Variants in ABCA13 observed in about 807,000 individuals in gnomAD.
ABCA13 encodes ATP-binding cassette sub-family A member 13.
A neutral mutation model predicts 478.7 loss-of-function variants in ABCA13; 476 were observed. The ratio of observed to expected loss-of-function variants is 0.99; its 90% CI spans 0.92 to 1.07. The LOEUF (loss-of-function observed/expected upper bound fraction) is 1.07. Among genes scored for constraint, ABCA13 ranks in the 50% least tolerant of loss-of-function variants. The pLI, the probability that ABCA13 is intolerant of heterozygous loss-of-function variation, is 0.00. For missense variants in ABCA13, 6,060 were observed against 5,910.6 expected (o/e 1.03, Z -0.83); for synonymous variants, 2,252 against 2,158.9 (o/e 1.04, Z -1.20).
At chr7:48,372,610 A>G (rs866960392) in intron 33 of ABCA13, 113 bp downstream of exon 33, 18 of 867,480 alleles carry the variant, frequency 2.1e-5, no homozygotes, top group Middle Eastern at 3.5e-4. Context: ...TCATATCTAC[A>G]TGGGCTTTCT....
chr7:48,232,717 G>T (rs1224650326), intron 7 of ABCA13, among the ~76,000 whole-genome samples: 3 of 152,152 alleles, frequency 2.0e-5, no homozygotes, highest in Admixed American at 2.0e-4. Flanking sequence ...TTTTGAGAAA[G>T]ATTTTATACT....
chr7:48,421,200 TC>T (rs34693576), intron 41 of ABCA13, among the ~76,000 whole-genome samples: 56,161 of 146,416 alleles, frequency 0.38, 10,907 homozygotes, highest in African/African-American at 0.5. Flanking sequence ...CTTTTCTCTC[TC>T]TTTTTTTTTT....
At chr7:48,556,994 A>G (rs1478771348) in intron 55 of ABCA13, among the ~76,000 whole-genome samples, 2 of 152,020 alleles carry the variant, frequency 1.3e-5, no homozygotes, top group Non-Finnish European at 2.9e-5. Context: ...GAAGCTTGCA[A>G]ATACTATTGT....
intron 15 of ABCA13, among the ~76,000 whole-genome samples, chr7:48,257,958 C>T (rs1319520841): frequency 6.6e-6 from 1 of 152,160 alleles, no homozygotes; most frequent in Non-Finnish European, 1.5e-5. Flanking sequence ...GGATCTCACT[C>T]TGTTGCCCAG....
intron 10 of ABCA13, 38 bp downstream of exon 10, chr7:48,241,104 G>C: frequency 6.2e-7 from 1 of 1,607,170 alleles, no homozygotes; most frequent in African/African-American, 1.3e-5. Context: ...TGATTAGGTA[G>C]ATGACACAGA....
chr7:48,572,348 T>A (rs1377987324), intron 55 of ABCA13, among the ~76,000 whole-genome samples: 2 of 152,114 alleles, frequency 1.3e-5, no homozygotes, highest in Non-Finnish European at 2.9e-5. Context: ...AGACAGGGTC[T>A]TGCTCTGTCA....
At chr7:48,305,672 T>C (rs1014651800) in intron 23 of ABCA13, among the ~76,000 whole-genome samples, 2 of 152,192 alleles carry the variant, frequency 1.3e-5, no homozygotes, top group Non-Finnish European at 2.9e-5. Flanking sequence ...CTCCTCTGAA[T>C]GCGATTCGGG....
chr7:48,641,944 C>A (rs1391364349), intron 59 of ABCA13, among the ~76,000 whole-genome samples: 1 of 152,164 alleles, frequency 6.6e-6, no homozygotes. Context: ...AGAATATATA[C>A]CTCTTGTACC....
intron 59 of ABCA13, among the ~76,000 whole-genome samples, chr7:48,630,394 T>C (rs183838447): frequency 6.6e-6 from 1 of 152,166 alleles, no homozygotes; most frequent in Admixed American, 6.5e-5. Context: ...CTCCCACATA[T>C]AAGTGTGAAC....
At chr7:48,200,478 A>G (rs776365559) in intron 3 of ABCA13, among the ~76,000 whole-genome samples, 8 of 152,248 alleles carry the variant, frequency 5.3e-5, no homozygotes, top group African/African-American at 1.2e-4. Flanking sequence ...TTCAGGGGTT[A>G]TAAAAGCAAC....
Position 48,298,386 on chromosome 7 carries a change from A to T in ABCA13, c.9220A>T (p.Met3074Leu). ...VTEDVKIKDLMKNITKLTEEL... is the reference protein window; with the variant it reads ...VTEDVKIKDLLKNITKLTEEL... ...TGCAGATGTAAAAATAAAAGATTTG[A>T]TGAAGAATATCACCAAGTTGACTGA... The change falls in exon 23 of 62, where the codon ATG becomes TTG. Residue 3074 changes from methionine (M) to leucine (L), a missense_variant. By Grantham distance (15) the Met-to-Leu change is conservative. Coordinates refer to ENST00000435803, the MANE Select transcript of ABCA13 (RefSeq NM_152701.5). 1 of 1,610,182 alleles carries T rather than the reference A, an allele frequency of 6.2e-7. No homozygotes were observed. Among genetic ancestry groups the T allele is most frequent in the Non-Finnish European group, 8.5e-7 (1 of 1,178,046 alleles).
chr7:48,193,641 AACT>A (rs1388116217), intron 2 of ABCA13, among the ~76,000 whole-genome samples: 66 of 145,822 alleles, frequency 4.5e-4, no homozygotes, highest in African/African-American at 1.0e-3. Flanking sequence ...AGATAATAGT[AACT>A]ATGATGATGA....
chr7:48,262,723 A>G (rs911634628), intron 15 of ABCA13, among the ~76,000 whole-genome samples: 4 of 151,940 alleles, frequency 2.6e-5, no homozygotes, highest in African/African-American at 9.7e-5. Context: ...AATTATACAC[A>G]CATTTAGAGG....
chr7:48,631,241 G>T (rs1794137041), intron 59 of ABCA13, among the ~76,000 whole-genome samples: 1 of 152,056 alleles, frequency 6.6e-6, no homozygotes, highest in Non-Finnish European at 1.5e-5. Flanking sequence ...CAAGGCTGAT[G>T]TCCAGAATGA....
At chr7:48,581,050 C>T (rs191962672) in intron 56 of ABCA13, among the ~76,000 whole-genome samples, 2 of 152,228 alleles carry the variant, frequency 1.3e-5, no homozygotes, top group Admixed American at 1.3e-4. Context: ...GATGTTGTAC[C>T]GTGAGCCACC....
At chr7:48,354,186 T>C (rs1250027047) in intron 31 of ABCA13, among the ~76,000 whole-genome samples, 2 of 152,010 alleles carry the variant, frequency 1.3e-5, no homozygotes, top group African/African-American at 2.4e-5. Context: ...ATCTATTGCA[T>C]TCTGACAATC....
At chr7:48,519,440 G>C (rs911973645) in intron 52 of ABCA13, among the ~76,000 whole-genome samples, 2 of 152,132 alleles carry the variant, frequency 1.3e-5, no homozygotes, top group East Asian at 1.9e-4. Flanking sequence ...ATTAACCATT[G>C]TGTTTACAAA....
chr7:48,528,284 A>C lies in ABCA13; in HGVS notation c.14293A>C (p.Lys4765Gln). ...VNGAGKSTTF[K>Q]MLNGEVSLTS... ...TGGAGCTGGGAAGAGCACGACTTTC[A>C]AAATGCTGAATGGTGAAGTTTCTCT... Residue 4765 changes from lysine to glutamine, a missense_variant, in exon 55 of 62, where the codon AAA becomes CAA. Transcript: ENST00000435803. 2 of 1,579,942 alleles carry C rather than the reference A, an allele frequency of 1.3e-6. No homozygotes were observed. Among genetic ancestry groups the C allele is most frequent in the Non-Finnish European group, 1.7e-6 (2 of 1,161,618 alleles).
chr7:48,210,331 C>T (rs1283425239), intron 3 of ABCA13, among the ~76,000 whole-genome samples: 1 of 152,156 alleles, frequency 6.6e-6, no homozygotes, highest in African/African-American at 2.4e-5. Context: ...AATTACCTCC[C>T]ATGAAGTCCC....
Sources: allele counts gnomAD v4.1 joint callset (sites outside exome capture counted in the v4.1 genomes callset), GRCh38; gene constraint gnomAD v4.1.1; transcripts MANE v1.5; gene names NCBI Gene and HGNC (gene_info 2026-07-23, HGNC 2026-07-21).